Variants in UBE2W observed in about 807,000 individuals in gnomAD.
The protein encoded by UBE2W is ubiquitin conjugating enzyme E2 W.
Under a neutral mutation model 27.2 loss-of-function variants are expected in UBE2W, and 18 were observed. The ratio of observed to expected loss-of-function variants is 0.66; its 90% confidence interval spans 0.46 to 0.98. The LOEUF (loss-of-function observed/expected upper bound fraction) is 0.98, where lower values mean the gene tolerates loss of function less well. Among genes scored for constraint, UBE2W ranks in the 50% least tolerant of loss-of-function variants. UBE2W has a pLI of 0.00. For missense variants in UBE2W, 90 were observed against 180.2 expected (o/e 0.50, Z 2.87); for synonymous variants, 53 against 57.2 (o/e 0.93, Z 0.33).
intron 1 of UBE2W, among the ~76,000 whole-genome samples, chr8:73,863,378 T>A (rs1586541058): frequency 1.5e-5 from 2 of 135,070 alleles, no homozygotes; most frequent in Admixed American, 1.6e-4. Context: ...AATTGAACAA[T>A]GAGATCACAT....
At chr8:73,785,203 G>C (rs544499822), downstream of UBE2W, among the ~76,000 whole-genome samples, 6 of 151,974 alleles carry the variant, frequency 3.9e-5, 1 homozygote, top group South Asian at 1.2e-3. Flanking sequence ...CTGGAGTGCA[G>C]TGTGTGGTCT....
chr8:73,870,291 C>G, intron 1 of UBE2W: 1 of 1,585,140 alleles, frequency 6.3e-7, no homozygotes, highest in Non-Finnish European at 8.6e-7. Flanking sequence ...TTCCACCCTC[C>G]TTCCTGTGGT....
At chr8:73,785,519 G>A (rs1281897250), downstream of UBE2W, among the ~76,000 whole-genome samples, 2 of 152,146 alleles carry the variant, frequency 1.3e-5, no homozygotes, top group Non-Finnish European at 2.9e-5. Context: ...CTAATGCTGG[G>A]GGTTTGGGCT....
intron 1 of UBE2W, among the ~76,000 whole-genome samples, chr8:73,859,899 C>T (rs1311924222): frequency 6.6e-6 from 1 of 152,138 alleles, no homozygotes; most frequent in Non-Finnish European, 1.5e-5. Context: ...AAAATACTCC[C>T]ATCTCCCCTA....
intron 1 of UBE2W, among the ~76,000 whole-genome samples, chr8:73,871,931 C>G (rs994561520): frequency 1.3e-5 from 2 of 152,006 alleles, no homozygotes; most frequent in Non-Finnish European, 2.9e-5. Context: ...CTCACTCTGT[C>G]ACCCATGCTG....
downstream of UBE2W, among the ~76,000 whole-genome samples, chr8:73,783,059 TTC>T (rs1258134769): frequency 6.6e-6 from 1 of 152,248 alleles, no homozygotes; most frequent in African/African-American, 2.4e-5. Flanking sequence ...CATTCCTATA[TTC>T]TCTTTGGTTA....
chr8:73,853,908 G>C (rs1208812866), intron 1 of UBE2W, among the ~76,000 whole-genome samples: 1 of 152,146 alleles, frequency 6.6e-6, no homozygotes, highest in Non-Finnish European at 1.5e-5. Flanking sequence ...CAGCATTTTG[G>C]GAGGCCAAGG....
chr8:73,829,992 C>A (rs1782977211), intron 2 of UBE2W, among the ~76,000 whole-genome samples: 1 of 152,104 alleles, frequency 6.6e-6, no homozygotes, highest in Admixed American at 6.5e-5. Flanking sequence ...GTTTTTAGGG[C>A]ATGGGATACC....
chr8:73,859,997 A>G (rs900169454), intron 1 of UBE2W, among the ~76,000 whole-genome samples: 9 of 152,184 alleles, frequency 5.9e-5, no homozygotes, highest in African/African-American at 2.2e-4. Flanking sequence ...AAAGTATACA[A>G]AGACACAACA....
chr8:73,845,417 G>T (rs554550501), intron 1 of UBE2W, among the ~76,000 whole-genome samples: 7 of 152,038 alleles, frequency 4.6e-5, no homozygotes. Flanking sequence ...CCCCAACCCC[G>T]TGCTCTCTGA....
intron 2 of UBE2W, among the ~76,000 whole-genome samples, chr8:73,828,023 T>C (rs1809922259): frequency 6.6e-6 from 1 of 152,172 alleles, no homozygotes; most frequent in South Asian, 2.1e-4. Context: ...GCCCAGTAGC[T>C]GCATTTTGTG....
rs1811073098 is a variant in UBE2W at position 73,851,415 on chromosome 8, T to TTG, written c.16-20944_16-20943insCA. Among the ~76,000 whole-genome samples the TTG allele has an allele frequency of 2.6e-5, 4 of 152,122 alleles. No homozygotes were observed. The South Asian group carries it at 8.3e-4, about 32-fold the overall frequency. On this transcript the variant is annotated intron_variant, in intron 1 of 5. Transcript: ENST00000602593. ...GATGCGGAGTACAGAATTAGAGACT[T>TTG]TACAAGGGATTGTGTTTTCAATGGG...
rs956775444 is a variant in UBE2W, at chr8:73,789,741, G to C, written c.*4361C>G. 17 of 240,118 alleles carry C rather than the reference G, an allele frequency of 7.1e-5. No individual in the cohort carries two copies. The highest frequency in any genetic ancestry group is 3.7e-4 in the African/African-American group (16 of 43,094). The allele number at this position is 240,118 out of a possible 1,614,324, so 14.9% of individuals were successfully genotyped here. A position where few individuals can be genotyped will look rare whatever the true frequency, so the allele number is the denominator to read the frequency against. ...TAATCCCAGCTACTCAAGAGGCTGA[G>C]GCAGGAGAATCGCTTAGACCCAGGA... is the stretch of plus-strand genomic sequence containing the variant. On this transcript the variant is annotated 3_prime_UTR_variant, in exon 6 of 6. Coordinates refer to ENST00000602593, the MANE Select transcript of UBE2W (RefSeq NM_018299.6).
intron 1 of UBE2W, among the ~76,000 whole-genome samples, chr8:73,842,366 A>G (rs1332634450): frequency 6.6e-6 from 1 of 151,648 alleles, no homozygotes; most frequent in Non-Finnish European, 1.5e-5. Context: ...TGTCTCGACT[A>G]AAAATACAAA....
intron 1 of UBE2W, among the ~76,000 whole-genome samples, chr8:73,868,588 A>G (rs930848680): frequency 6.6e-6 from 1 of 152,040 alleles, no homozygotes; most frequent in Admixed American, 6.6e-5. Flanking sequence ...GGAACCTACA[A>G]CTTGTGACTG....
chr8:73,811,153 T>C (rs1809134845), intron 3 of UBE2W, among the ~76,000 whole-genome samples: 1 of 152,114 alleles, frequency 6.6e-6, no homozygotes, highest in Non-Finnish European at 1.5e-5. Context: ...ACACATCCAT[T>C]ATGATGGGTA....
At chr8:73,805,454 C>CAAAAAAAAAAAAAAACAAAAAAA (rs1808835923) in intron 5 of UBE2W, among the ~76,000 whole-genome samples, 197 bp downstream of exon 5, 1 of 14,580 alleles carries the variant, frequency 6.9e-5, no homozygotes, top group Non-Finnish European at 1.3e-4. Flanking sequence ...AACTCCATCT[C>CAAAAAAAAAAAAAAACAAAAAAA]AAAAAAAAAA....
chr8:73,866,705 A>T (rs917941599), intron 1 of UBE2W, among the ~76,000 whole-genome samples: 1 of 152,194 alleles, frequency 6.6e-6, no homozygotes, highest in Non-Finnish European at 1.5e-5. Context: ...TGCCAAAATT[A>T]ATTTTTGTGC....
Position 73,789,934 on chromosome 8 carries a change from T to C in UBE2W, c.*4168A>G. On this transcript the variant is annotated 3_prime_UTR_variant, in exon 6 of 6. Coordinates refer to ENST00000602593, the MANE Select transcript of UBE2W (RefSeq NM_018299.6). ...AAAAATAAATAATTTGCTTGGACAA[T>C]AATTTGGCTTTGGGAGAGTCCTCAT... is the stretch of plus-strand genomic sequence containing the variant. 1 of 983,444 alleles carries C rather than the reference T, an allele frequency of 1.0e-6. No homozygotes were observed. Among genetic ancestry groups the C allele is most frequent in the Non-Finnish European group, 1.2e-6 (1 of 828,150 alleles). 60.9% of individuals were successfully genotyped at this position (983,444 alleles called of 1,614,324 possible).
Sources: gnomAD v4.1 joint callset for allele counts (sites outside exome capture counted in the v4.1 genomes callset) on GRCh38, gnomAD v4.1.1 for gene constraint, MANE v1.5 for transcripts, NCBI Gene and HGNC (gene_info 2026-07-23, HGNC 2026-07-21) for gene names.